The following EHD4 variants were observed in gnomAD, a reference collection of about 807,000 sequenced individuals.
EHD4 encodes the protein EH domain containing 4, also known as EH domain-containing protein 4.
A neutral mutation model predicts 51.0 loss-of-function variants in EHD4; 37 were observed. The observed-to-expected ratio is 0.73, with a 90% confidence interval of 0.56 to 0.95. The LOEUF is 0.95. Among genes scored for constraint, EHD4 ranks in the 40% least tolerant of loss-of-function variants. The probability of loss-of-function intolerance (pLI) is 0.00; values close to 1 mark genes in which losing one functional copy is unlikely to be tolerated. For missense variants in EHD4, 632 were observed against 733.1 expected, an observed-to-expected ratio of 0.86 and a Z score of 1.59; for synonymous variants, 297 against 317.3, an observed-to-expected ratio of 0.94 and a Z score of 0.68.
rs915186469 is a variant in EHD4, at chr15:41,900,731, T to C, written c.1540A>G (p.Lys514Glu). ...FALAKHLIKI[K>E]LDGYELPSSL... ...CTGGGCAGCTCGTAGCCGTCGAGCT[T>C]GATCTTGATGAGGTGCTTGGCCAGC... The change falls in exon 6 of 6, where the codon AAG (lysine) becomes GAG (glutamate). Residue 514 changes from lysine (K) to glutamate (E), a missense_variant. Coordinates refer to ENST00000220325, the MANE Select transcript of EHD4 (RefSeq NM_139265.4). This position sits in a 1 kb window ranked among gnomAD's most constrained non-coding sequence, Gnocchi z 4.8. 19 of 1,612,828 alleles carry C rather than the reference T, an allele frequency of 1.2e-5. No individual in the cohort carries two copies. The highest frequency in any genetic ancestry group is 1.5e-5 in the Non-Finnish European group (18 of 1,179,984).
intron 1 of EHD4, among the ~76,000 whole-genome samples, chr15:41,962,029 A>G (rs1566827739): frequency 6.6e-6 from 1 of 152,244 alleles, no homozygotes; most frequent in Non-Finnish European, 1.5e-5. Context: ...AGAAATAAAA[A>G]GCCCATTCAT....
At chr15:41,940,139 T>C (rs2067759444) in intron 3 of EHD4, among the ~76,000 whole-genome samples, 1 of 152,144 alleles carries the variant, frequency 6.6e-6, no homozygotes, top group South Asian at 2.1e-4. Flanking sequence ...TGAGGGTTAA[T>C]CATCAACCGC....
At chr15:41,901,302 G>A (rs1299090026) in intron 5 of EHD4, 121 bp from the exon 6 acceptor site, 3 of 1,046,408 alleles carry the variant, frequency 2.9e-6, no homozygotes, top group Non-Finnish European at 4.0e-6. Context: ...ACTCAGGAGT[G>A]CACTCTTTGG....
intron 4 of EHD4, among the ~76,000 whole-genome samples, chr15:41,911,520 T>C (rs2067549222): frequency 6.6e-6 from 1 of 152,160 alleles, no homozygotes; most frequent in South Asian, 2.1e-4. Flanking sequence ...GGAGCACCCT[T>C]GGACTGGAGG....
At chr15:41,929,476 T>C (rs17842096) in intron 3 of EHD4, among the ~76,000 whole-genome samples, 3,527 of 152,330 alleles carry the variant, frequency 0.023, 157 homozygotes, top group African/African-American at 0.081. Flanking sequence ...CTTCTGGGCA[T>C]GTGACCAAGT....
intron 1 of EHD4, among the ~76,000 whole-genome samples, chr15:41,969,197 GT>G (rs1271108606): frequency 3.3e-5 from 5 of 152,162 alleles, no homozygotes; most frequent in African/African-American, 1.2e-4. Context: ...ATTAGAATAA[GT>G]TTTCTGGGGA....
At chr15:41,905,458 A>G (rs978127245) in intron 5 of EHD4, among the ~76,000 whole-genome samples, 5 of 152,178 alleles carry the variant, frequency 3.3e-5, no homozygotes, top group African/African-American at 1.2e-4. Context: ...GCTTGTGTGA[A>G]TTGAGCACTC....
chr15:41,945,786 G>A (rs1281651764), intron 2 of EHD4, among the ~76,000 whole-genome samples: 2 of 152,212 alleles, frequency 1.3e-5, no homozygotes, highest in Non-Finnish European at 2.9e-5. Flanking sequence ...GGAGGCGCAC[G>A]GCAAACGTAC....
Position 41,901,000 on chromosome 15 carries a change from G to A in EHD4, c.1271C>T (p.Pro424Leu), listed in dbSNP as rs749293432. The A allele has an allele frequency of 1.2e-6, 2 of 1,608,744 alleles. No individual in the cohort carries two copies. The highest frequency in any genetic ancestry group is 2.2e-5 in the South Asian group (2 of 90,836). Residue 424 changes from proline (P) to leucine (L), a missense_variant, in exon 6 of 6, where the codon CCC becomes CTC. Pro to Leu is a moderately conservative substitution (Grantham distance 98). Transcript: ENST00000220325. This position sits in a 1 kb window ranked among gnomAD's most constrained non-coding sequence, Gnocchi z 4.8. ...GGAFDGTTEG[P>L]FNQGYGEGAK... is the part of the protein sequence containing the mutation. ...ACCCTCCCCGTAGCCCTGGTTGAAG[G>A]GGCCCTCGGTGGTGCCATCGAAGGC... is the stretch of plus-strand genomic sequence containing the variant.
intron 3 of EHD4, among the ~76,000 whole-genome samples, chr15:41,923,129 C>T (rs905635368): frequency 2.0e-5 from 3 of 152,182 alleles, no homozygotes; most frequent in African/African-American, 7.2e-5. Context: ...CCAACTGAAA[C>T]TCTGAACCCA....
At chr15:41,928,646 T>C (rs966225210) in intron 3 of EHD4, 1 of 152,254 alleles carries the variant, frequency 6.6e-6, no homozygotes, top group Admixed American at 6.5e-5. Context: ...TTGAGGAGGT[T>C]GTTCTTTTTC....
chr15:41,919,735 C>T, intron 3 of EHD4, 113 bp from the exon 4 acceptor site: 4 of 1,088,428 alleles, frequency 3.7e-6, no homozygotes, highest in Non-Finnish European at 4.8e-6. Flanking sequence ...AGCCCTGTCT[C>T]CAACCTGGAG....
intron 3 of EHD4, among the ~76,000 whole-genome samples, chr15:41,933,071 T>A (rs1471505085): frequency 6.6e-6 from 1 of 152,220 alleles, no homozygotes; most frequent in African/African-American, 2.4e-5. Context: ...GGAAAGAGGC[T>A]CACAGGGCCC....
At chr15:41,954,164 A>T (rs1717991455) in intron 1 of EHD4, among the ~76,000 whole-genome samples, 1 of 152,188 alleles carries the variant, frequency 6.6e-6, no homozygotes. Context: ...AGCTCTGCTC[A>T]GGCTCAGCTC....
intron 2 of EHD4, 39 bp from the exon 3 acceptor site, chr15:41,943,203 C>T: frequency 6.6e-7 from 1 of 1,510,584 alleles, no homozygotes; most frequent in Non-Finnish European, 9.0e-7. Flanking sequence ...AGAAACTGGG[C>T]ATCACAGAGT....
chr15:41,937,081 T>TA (rs1373285094), intron 3 of EHD4, among the ~76,000 whole-genome samples: 10 of 152,116 alleles, frequency 6.6e-5, no homozygotes, highest in Non-Finnish European at 1.5e-4. Flanking sequence ...AAACTCTAAA[T>TA]AAAAAAATGG....
Position 41,900,585 on chromosome 15 carries a change from T to C in EHD4, c.*60A>G. 6.8e-7 allele frequency: 1 copy of C among 1,476,686 alleles called. No homozygotes were observed. The highest frequency in any genetic ancestry group is 9.0e-7 in the Non-Finnish European group (1 of 1,108,590). The allele number at this position is 1,476,686 out of a possible 1,614,324, so 91.5% of individuals were successfully genotyped here. ...TGCCCAAGGTCATTCGGTGAGTCAG[T>C]GGTGGAGCAGGCCTGAGGCCCAGGT... On this transcript the variant is annotated 3_prime_UTR_variant, in exon 6 of 6. Coordinates refer to ENST00000220325, the MANE Select transcript of EHD4 (RefSeq NM_139265.4). The surrounding 1 kb of genome is among the most constrained non-coding windows in gnomAD (Gnocchi z 4.8).
At chr15:41,957,498 G>A (rs937204140) in intron 1 of EHD4, among the ~76,000 whole-genome samples, 6 of 152,126 alleles carry the variant, frequency 3.9e-5, no homozygotes, top group African/African-American at 1.2e-4. Context: ...AGTCTGGTAG[G>A]AATGATTTGA....
At chr15:41,962,654 C>T (rs1477927681) in intron 1 of EHD4, among the ~76,000 whole-genome samples, 4 of 152,032 alleles carry the variant, frequency 2.6e-5, no homozygotes, top group African/African-American at 7.3e-5. Context: ...CCCGGCCAGC[C>T]GCCCCGTCCG....
Sources: gnomAD v4.1 joint callset for allele counts (sites outside exome capture counted in the v4.1 genomes callset) on GRCh38, gnomAD v4.1.1 for gene constraint, Gnocchi (gnomAD v3.1) non-coding constraint, MANE v1.5 for transcripts, NCBI Gene and HGNC (gene_info 2026-07-23, HGNC 2026-07-21) for gene names.